CNTNAP2: variants seen among roughly 807,000 people sequenced by gnomAD.
CNTNAP2 encodes contactin associated protein 2, also known as contactin-associated protein-like 2.
A neutral mutation model predicts 155.2 loss-of-function variants in CNTNAP2; 98 were observed. That is an observed-to-expected ratio of 0.63 (90% CI 0.54 to 0.75). The LOEUF is 0.75. Among genes scored for constraint, CNTNAP2 ranks in the 30% least tolerant of loss-of-function variants. The pLI is 0.00. For missense variants in CNTNAP2, 1,727 were observed against 1,688.1 expected (o/e 1.02, Z -0.40); for synonymous variants, 651 against 631.2 (o/e 1.03, Z -0.47).
intron 8 of CNTNAP2, among the ~76,000 whole-genome samples, chr7:147,140,792 C>T (rs1273394021): frequency 6.6e-6 from 1 of 152,086 alleles, no homozygotes; most frequent in African/African-American, 2.4e-5. Flanking sequence ...ATTTTATGGG[C>T]AGGGGCCAGA....
At chr7:146,354,411 A>ATTTTTTTTTTTTTT (rs10641636) in intron 1 of CNTNAP2, among the ~76,000 whole-genome samples, 4 of 135,346 alleles carry the variant, frequency 3.0e-5, no homozygotes, top group Non-Finnish European at 3.1e-5. Flanking sequence ...TCTTGTTAGT[A>ATTTTTTTTTTTTTT]TTTTTTTTTT....
intron 9 of CNTNAP2, among the ~76,000 whole-genome samples, chr7:147,335,574 A>C (rs1795650560): frequency 6.6e-6 from 1 of 152,166 alleles, no homozygotes; most frequent in Admixed American, 6.6e-5. Flanking sequence ...TGAACAAAAG[A>C]ATAGCAATGG....
intron 12 of CNTNAP2, among the ~76,000 whole-genome samples, chr7:147,622,767 A>C (rs1357894730): frequency 6.6e-6 from 1 of 152,024 alleles, no homozygotes; most frequent in Non-Finnish European, 1.5e-5. Flanking sequence ...TGGAAGAAAG[A>C]AATAATAAAG....
chr7:147,425,223 A>G (rs1240505424), intron 10 of CNTNAP2, among the ~76,000 whole-genome samples: 1 of 151,348 alleles, frequency 6.6e-6, no homozygotes, highest in Non-Finnish European at 1.5e-5. Context: ...ACAAAAAAAA[A>G]AAATTGTTAT....
chr7:147,684,282 C>A (rs1795989217), intron 13 of CNTNAP2, among the ~76,000 whole-genome samples: 1 of 151,846 alleles, frequency 6.6e-6, no homozygotes. Flanking sequence ...GTTTAACATT[C>A]ATTCCAGCTT....
At chr7:146,652,813 T>C (rs1385774634) in intron 1 of CNTNAP2, among the ~76,000 whole-genome samples, 2 of 152,112 alleles carry the variant, frequency 1.3e-5, no homozygotes, top group African/African-American at 2.4e-5. Context: ...TATAATTTTG[T>C]GGTTGGGAGG....
chr7:147,324,244 T>A (rs73742553), intron 9 of CNTNAP2, among the ~76,000 whole-genome samples: 7,986 of 152,240 alleles, frequency 0.052, 261 homozygotes, highest in African/African-American at 0.094. Context: ...CACTAAAATA[T>A]AACACAGTGT....
intron 22 of CNTNAP2, among the ~76,000 whole-genome samples, chr7:148,386,750 G>A (rs553352013): frequency 6.6e-6 from 1 of 152,210 alleles, no homozygotes; most frequent in East Asian, 1.9e-4. Flanking sequence ...CTGGGGGCCT[G>A]CAAATTAAGC....
intron 1 of CNTNAP2, among the ~76,000 whole-genome samples, chr7:146,603,254 T>C (rs1358448396): frequency 6.6e-6 from 1 of 150,698 alleles, no homozygotes; most frequent in Non-Finnish European, 1.5e-5. Flanking sequence ...CTACTAAAAA[T>C]ACAAAACATT....
chr7:147,217,801 T>G (rs1450053578), intron 8 of CNTNAP2, among the ~76,000 whole-genome samples: 3 of 152,068 alleles, frequency 2.0e-5, no homozygotes, highest in Non-Finnish European at 4.4e-5. Context: ...GGAAAGATTA[T>G]TAATAATTGC....
intron 9 of CNTNAP2, among the ~76,000 whole-genome samples, chr7:147,333,923 T>C (rs1260918103): frequency 6.6e-6 from 1 of 152,160 alleles, no homozygotes; most frequent in Non-Finnish European, 1.5e-5. Context: ...GTGGCTAAGA[T>C]GGAAGAGGTA....
intron 10 of CNTNAP2, among the ~76,000 whole-genome samples, chr7:147,480,029 A>T (rs1798394121): frequency 6.6e-6 from 1 of 152,200 alleles, no homozygotes; most frequent in Non-Finnish European, 1.5e-5. Context: ...TAGTTAGTAT[A>T]GAAATAAAAG....
chr7:147,603,061 A>G (rs1343956585), intron 12 of CNTNAP2, among the ~76,000 whole-genome samples: 1 of 151,864 alleles, frequency 6.6e-6, no homozygotes, highest in Admixed American at 6.6e-5. Flanking sequence ...GAATCGCCAC[A>G]CTGACTTCCA....
intron 11 of CNTNAP2, among the ~76,000 whole-genome samples, chr7:147,527,348 T>G (rs1190016311): frequency 2.0e-5 from 3 of 152,094 alleles, no homozygotes; most frequent in Non-Finnish European, 2.9e-5. Flanking sequence ...TTTCATATTT[T>G]ATAAATTAGA....
chr7:146,475,013 G>GCACACACACACA (rs60787049), intron 1 of CNTNAP2, among the ~76,000 whole-genome samples: 3 of 144,304 alleles, frequency 2.1e-5, no homozygotes, highest in Non-Finnish European at 3.0e-5. Flanking sequence ...GCGCGCGCGC[G>GCACACACACACA]CACACACACA....
chr7:148,021,224 T>A (rs1802274462), intron 15 of CNTNAP2, among the ~76,000 whole-genome samples: 1 of 152,140 alleles, frequency 6.6e-6, no homozygotes, highest in South Asian at 2.1e-4. Flanking sequence ...TTCTCCCTCA[T>A]ATCAAATAAA....
At chr7:146,463,689 C>T (rs1195650904) in intron 1 of CNTNAP2, among the ~76,000 whole-genome samples, 9 of 151,462 alleles carry the variant, frequency 5.9e-5, no homozygotes, top group Admixed American at 5.9e-4. Context: ...ATATTATATA[C>T]ATGTATACAG....
At chr7:146,863,336 C>T (rs1356993863) in intron 3 of CNTNAP2, among the ~76,000 whole-genome samples, 1 of 152,026 alleles carries the variant, frequency 6.6e-6, no homozygotes, top group Non-Finnish European at 1.5e-5. Context: ...GCCTTATCTG[C>T]TTCAACATAA....
chr7:147,584,273 A>T (rs1800575310), intron 12 of CNTNAP2, among the ~76,000 whole-genome samples: 1 of 152,182 alleles, frequency 6.6e-6, no homozygotes, highest in Non-Finnish European at 1.5e-5. Flanking sequence ...GTATCTTACA[A>T]TCCATGGCCT....
Sources: gnomAD v4.1 joint callset for allele counts (sites outside exome capture counted in the v4.1 genomes callset) on GRCh38, gnomAD v4.1.1 for gene constraint, MANE v1.5 for transcripts, NCBI Gene and HGNC (gene_info 2026-07-23, HGNC 2026-07-21) for gene names.